ERC2: variants seen among roughly 807,000 people sequenced by gnomAD.
ERC2 encodes ELKS/RAB6-interacting/CAST family member 2, also known as ERC protein 2.
Under a neutral mutation model 114.8 loss-of-function variants are expected in ERC2, and 42 were observed. The observed-to-expected ratio is 0.37, with a 90% CI of 0.29 to 0.47. The LOEUF (loss-of-function observed/expected upper bound fraction) is 0.47. ERC2 is among the 20% of genes least tolerant of loss of function. ERC2 has a pLI of 0.99. For missense variants in ERC2, 939 were observed against 1,150.7 expected, an observed-to-expected ratio of 0.82 and a Z score of 2.66; for synonymous variants, 454 against 425.5, an observed-to-expected ratio of 1.07 and a Z score of -0.82.
In ERC2 at chr3:55,844,267, A is replaced by T. The variant is rs188379514; in HGVS notation, c.2564+44122T>A. Among the ~76,000 whole-genome samples the T allele has an allele frequency of 1.7e-3, 256 of 152,328 alleles. 1 individual carries two copies. The highest frequency in any genetic ancestry group is 4.8e-3 in the Admixed American group (73 of 15,308). ...CAAAACACAGTTAGTAGAATGTCAC[A>T]GCAACACTATTCATAATAGTCCCCA... On this transcript the variant is annotated intron_variant, in intron 14 of 17. Coordinates refer to ENST00000288221, the MANE Select transcript of ERC2 (RefSeq NM_015576.3).
At chr3:55,858,002 G>T (rs1467274528) in intron 14 of ERC2, among the ~76,000 whole-genome samples, 2 of 152,150 alleles carry the variant, frequency 1.3e-5, no homozygotes, top group Admixed American at 6.5e-5. Flanking sequence ...GAACTATTTT[G>T]CTATAACTTG....
chr3:55,687,391 T>A (rs76003387), intron 16 of ERC2, among the ~76,000 whole-genome samples: 22 of 131,084 alleles, frequency 1.7e-4, no homozygotes, highest in Admixed American at 5.4e-4. Context: ...TTTTTTTTTT[T>A]AAAACACCTG....
At chr3:55,857,171 T>C (rs2061825049) in intron 14 of ERC2, among the ~76,000 whole-genome samples, 2 of 152,218 alleles carry the variant, frequency 1.3e-5, no homozygotes, top group Admixed American at 6.5e-5. Flanking sequence ...GTGAATTTTA[T>C]TTCAATTTTA....
intron 14 of ERC2, among the ~76,000 whole-genome samples, chr3:55,801,448 A>G (rs1352392037): frequency 6.6e-6 from 1 of 152,192 alleles, no homozygotes; most frequent in East Asian, 1.9e-4. Flanking sequence ...CTCTTGAACA[A>G]TTTCTATGGA....
chr3:55,941,817 T>TA (rs2066816228), intron 13 of ERC2, among the ~76,000 whole-genome samples: 1 of 152,202 alleles, frequency 6.6e-6, no homozygotes, highest in Admixed American at 6.5e-5. Context: ...TAAAGAGTCC[T>TA]AAACTCTGTA....
At chr3:56,185,805 TG>T (rs2083561473) in intron 3 of ERC2, among the ~76,000 whole-genome samples, 1 of 152,188 alleles carries the variant, frequency 6.6e-6, no homozygotes. Flanking sequence ...CTGGATAATC[TG>T]GGTGAGTGCA....
chr3:55,742,082 T>C (rs576325868), intron 14 of ERC2, among the ~76,000 whole-genome samples: 3 of 151,432 alleles, frequency 2.0e-5, no homozygotes, highest in African/African-American at 7.3e-5. Flanking sequence ...AAAAAAATGG[T>C]TTTAGCCACC....
intron 14 of ERC2, among the ~76,000 whole-genome samples, chr3:55,825,787 A>G (rs2060300476): frequency 6.6e-6 from 1 of 152,192 alleles, no homozygotes; most frequent in South Asian, 2.1e-4. Flanking sequence ...CTGAAAAACT[A>G]CTATATTTGC....
intron 2 of ERC2, among the ~76,000 whole-genome samples, chr3:56,343,190 T>TCA (rs1181595660): frequency 6.4e-5 from 7 of 109,982 alleles, no homozygotes; most frequent in Non-Finnish European, 9.6e-5. Flanking sequence ...TCTCTCTCTC[T>TCA]CTCACACACA....
chr3:56,085,049 C>T (rs912883197), intron 6 of ERC2, among the ~76,000 whole-genome samples: 1 of 152,100 alleles, frequency 6.6e-6, no homozygotes, highest in Non-Finnish European at 1.5e-5. Flanking sequence ...GCCTCAGTTT[C>T]TCCATCTATA....
At chr3:56,219,245 TA>T (rs2049729527) in intron 3 of ERC2, among the ~76,000 whole-genome samples, 1 of 152,134 alleles carries the variant, frequency 6.6e-6, no homozygotes, top group African/African-American at 2.4e-5. Flanking sequence ...CTTACTCATG[TA>T]ACCAAACACC....
At chr3:56,305,849 T>TTTG (rs1560560301) in intron 2 of ERC2, among the ~76,000 whole-genome samples, 10 of 147,454 alleles carry the variant, frequency 6.8e-5, no homozygotes, top group Non-Finnish European at 1.5e-4. Context: ...ATTGTCTTTT[T>TTTG]TTTGTTTGTT....
chr3:55,747,307 GT>G lies in ERC2; in HGVS notation c.2565-12390del, dbSNP rs199573254. On this transcript the variant is annotated intron_variant, in intron 14 of 17. Transcript: ENST00000288221. ...GGTGACAGGGAAGTTTTAGGTGCCT[GT>G]TTTTTTTTTAAAGAGGTCATTTAAT... Among the ~76,000 whole-genome samples, 135 of 147,762 alleles carry G rather than the reference GT, an allele frequency of 9.1e-4. No homozygotes were observed. In the East Asian group the frequency reaches 0.015, roughly 16 times the overall value.
At chr3:56,438,989 G>A (rs1442259133) in intron 1 of ERC2, among the ~76,000 whole-genome samples, 2 of 152,134 alleles carry the variant, frequency 1.3e-5, no homozygotes, top group African/African-American at 4.8e-5. Flanking sequence ...GTTGCCACTG[G>A]CCCATAGATT....
At chr3:56,138,195 G>A (rs1372306131) in intron 6 of ERC2, among the ~76,000 whole-genome samples, 1 of 151,698 alleles carries the variant, frequency 6.6e-6, no homozygotes, top group Non-Finnish European at 1.5e-5. Flanking sequence ...GAGTAGCTGG[G>A]ACTACAGGCA....
At chr3:55,932,617 A>G (rs1450331932) in intron 13 of ERC2, among the ~76,000 whole-genome samples, 1 of 152,092 alleles carries the variant, frequency 6.6e-6, no homozygotes, top group Admixed American at 6.6e-5. Flanking sequence ...TCATTTCACA[A>G]TCATCCCTCT....
intron 4 of ERC2, among the ~76,000 whole-genome samples, chr3:56,167,308 A>G (rs1350557865): frequency 6.6e-6 from 1 of 152,196 alleles, no homozygotes; most frequent in Non-Finnish European, 1.5e-5. Flanking sequence ...TACACAAAAT[A>G]GTTGCTCAGT....
intron 14 of ERC2, among the ~76,000 whole-genome samples, chr3:55,880,337 C>A (rs891511833): frequency 6.6e-6 from 1 of 152,122 alleles, no homozygotes; most frequent in East Asian, 1.9e-4. Flanking sequence ...AAGTTATTTT[C>A]TTTATAGTTA....
intron 2 of ERC2, among the ~76,000 whole-genome samples, chr3:56,397,394 G>A (rs1225941528): frequency 6.6e-6 from 1 of 151,230 alleles, no homozygotes; most frequent in East Asian, 1.9e-4. Context: ...GTTCCCAGTA[G>A]CCCATCAATG....
Sources: allele counts gnomAD v4.1 joint callset (sites outside exome capture counted in the v4.1 genomes callset), GRCh38; gene constraint gnomAD v4.1.1; transcripts MANE v1.5; gene names NCBI Gene and HGNC (gene_info 2026-07-23, HGNC 2026-07-21).